ASRGL1: variants seen among roughly 807,000 people sequenced by gnomAD.
ASRGL1 encodes asparaginase and isoaspartyl peptidase 1.
A neutral mutation model predicts 22.4 loss-of-function variants in ASRGL1; 16 were observed. The observed-to-expected ratio is 0.71, with a 90% CI of 0.48 to 1.08. ASRGL1 has a LOEUF of 1.08. ASRGL1 is among the 50% of genes least tolerant of loss of function. The probability of loss-of-function intolerance (pLI) is 0.00; values close to 1 mark genes in which losing one functional copy is unlikely to be tolerated. For synonymous variants in ASRGL1, 165 were observed against 159.3 expected (o/e 1.04, Z -0.27); for missense variants, 412 against 410.1 (o/e 1.00, Z -0.04).
intron 2 of ASRGL1, among the ~76,000 whole-genome samples, chr11:62,355,233 C>CT (rs150944924): frequency 1.7e-3 from 250 of 144,644 alleles, no homozygotes; most frequent in Admixed American, 2.9e-3. Context: ...AGATTTCTCT[C>CT]TTTTTTTTTT....
At chr11:62,389,351 C>T in intron 5 of ASRGL1, 100 bp downstream of exon 5, 1 of 1,166,862 alleles carries the variant, frequency 8.6e-7, no homozygotes, top group South Asian at 1.2e-5. Flanking sequence ...TGCTGCGTTC[C>T]CTTTCTGCTT....
intron 5 of ASRGL1, among the ~76,000 whole-genome samples, 189 bp from the exon 6 acceptor site, chr11:62,391,333 C>T (rs1947330675): frequency 1.3e-5 from 2 of 152,192 alleles, no homozygotes; most frequent in African/African-American, 2.4e-5. Flanking sequence ...CCTTTATCCT[C>T]CTAAATTCTG....
downstream of ASRGL1, among the ~76,000 whole-genome samples, chr11:62,395,502 A>G (rs1014771329): frequency 6.6e-6 from 1 of 152,178 alleles, no homozygotes; most frequent in African/African-American, 2.4e-5. Flanking sequence ...TAGCTGTTGC[A>G]TAATACACAT....
intron 4 of ASRGL1, among the ~76,000 whole-genome samples, chr11:62,357,973 T>C (rs1401939796): frequency 6.6e-6 from 1 of 152,170 alleles, no homozygotes; most frequent in Admixed American, 6.5e-5. Context: ...GCCAGAAGAA[T>C]CAGATTTAAA....
chr11:62,338,381 C>CA (rs1184894474), intron 2 of ASRGL1: 1 of 518,384 alleles, frequency 1.9e-6, no homozygotes, highest in Non-Finnish European at 3.3e-6. Context: ...TATGAGTGAC[C>CA]AATGGCCTCT....
At chr11:62,386,214 G>A (rs1590758691) in intron 4 of ASRGL1, among the ~76,000 whole-genome samples, 2 of 152,062 alleles carry the variant, frequency 1.3e-5, no homozygotes, top group East Asian at 3.8e-4. Flanking sequence ...TCTGGCAGGT[G>A]GATTACTTGA....
At chr11:62,358,087 G>A (rs1220353880) in intron 4 of ASRGL1, among the ~76,000 whole-genome samples, 1 of 152,196 alleles carries the variant, frequency 6.6e-6, no homozygotes, top group African/African-American at 2.4e-5. Context: ...GATTGGCCTT[G>A]GCCGGGTGCG....
chr11:62,388,620 AGAT>A (rs1212340633), intron 4 of ASRGL1, among the ~76,000 whole-genome samples: 3 of 149,560 alleles, frequency 2.0e-5, no homozygotes, highest in Non-Finnish European at 3.0e-5. Flanking sequence ...CCGTGAGCCA[AGAT>A]TGTGCCACTG....
intron 2 of ASRGL1, among the ~76,000 whole-genome samples, chr11:62,341,657 A>G (rs1945866092): frequency 6.6e-6 from 1 of 152,236 alleles, no homozygotes; most frequent in South Asian, 2.1e-4. Context: ...AGAATCTACT[A>G]GCCTAATACC....
chr11:62,353,852 C>T (rs533180152), intron 2 of ASRGL1, among the ~76,000 whole-genome samples: 7 of 152,264 alleles, frequency 4.6e-5, no homozygotes, highest in Non-Finnish European at 8.8e-5. Context: ...CTCTAACCTG[C>T]GCTGATCAGT....
intron 2 of ASRGL1, among the ~76,000 whole-genome samples, chr11:62,343,994 TCTC>T (rs1024947257): frequency 2.1e-5 from 3 of 145,466 alleles, no homozygotes; most frequent in African/African-American, 5.0e-5. Context: ...AATGGCGCGA[TCTC>T]AGCTCACCGC....
chr11:62,367,923 C>T (rs113234680), intron 4 of ASRGL1, among the ~76,000 whole-genome samples: 39 of 152,234 alleles, frequency 2.6e-4, no homozygotes, highest in African/African-American at 9.4e-4. Flanking sequence ...GCCTGGGCAA[C>T]AGAGCGAGAC....
chr11:62,390,174 C>T (rs1194162698), intron 5 of ASRGL1, among the ~76,000 whole-genome samples: 1 of 152,170 alleles, frequency 6.6e-6, no homozygotes, highest in African/African-American at 2.4e-5. Flanking sequence ...GCTTCAGCTG[C>T]GTTCAGACCA....
intron 4 of ASRGL1, among the ~76,000 whole-genome samples, chr11:62,387,209 G>T (rs1055590209): frequency 1.3e-5 from 2 of 152,036 alleles, no homozygotes; most frequent in East Asian, 3.9e-4. Context: ...GGCCAAGAAT[G>T]ATTATTTTTA....
At chr11:62,380,295 G>T (rs1019522158) in intron 4 of ASRGL1, among the ~76,000 whole-genome samples, 2 of 152,000 alleles carry the variant, frequency 1.3e-5, no homozygotes, top group African/African-American at 4.8e-5. Flanking sequence ...GACCTTACGG[G>T]CATTTTCATC....
intron 2 of ASRGL1, among the ~76,000 whole-genome samples, chr11:62,348,152 G>T (rs564619050): frequency 2.6e-5 from 4 of 152,168 alleles, no homozygotes; most frequent in Non-Finnish European, 4.4e-5. Flanking sequence ...GCCATTTCAC[G>T]TAGAGGACTT....
Position 62,392,163 on chromosome 11 carries a change from G to A in ASRGL1, c.806G>A (p.Ser269Asn), listed in dbSNP as rs1947354795. Residue 269 changes from serine (S) to asparagine (N), a missense_variant, in exon 7 of 7, where the codon AGC becomes AAC. Coordinates refer to ENST00000415229, the MANE Select transcript of ASRGL1 (RefSeq NM_001083926.2). Reference sequence around the variant, plus strand: ...GGTTTAGGTGGCCTCATCGTGGTTAGCAAAACAGGAGACTGGGTGGCAAAG... The same window carrying A: ...GGTTTAGGTGGCCTCATCGTGGTTAACAAAACAGGAGACTGGGTGGCAAAG... ...VKGLGGLIVVSKTGDWVAKWT... is the reference protein window; with the variant it reads ...VKGLGGLIVVNKTGDWVAKWT... 2 of 1,614,134 alleles carry A rather than the reference G, an allele frequency of 1.2e-6. No homozygotes were observed. Among genetic ancestry groups the A allele is most frequent in the Non-Finnish European group, 1.7e-6 (2 of 1,180,046 alleles).
chr11:62,356,944 A>G (rs763504270), intron 3 of ASRGL1, 43 bp from the exon 4 acceptor site: 1 of 1,559,208 alleles, frequency 6.4e-7, no homozygotes, highest in Non-Finnish European at 8.6e-7. Context: ...AAGATTTAAA[A>G]TTTTCAAAAA....
intron 4 of ASRGL1, among the ~76,000 whole-genome samples, chr11:62,364,886 T>C (rs1183239683): frequency 1.3e-5 from 2 of 151,758 alleles, no homozygotes; most frequent in Non-Finnish European, 2.9e-5. Flanking sequence ...CTGGCCAACA[T>C]GGCGAAACCC....
Sources: gnomAD v4.1 joint callset for allele counts (sites outside exome capture counted in the v4.1 genomes callset) on GRCh38, gnomAD v4.1.1 for gene constraint, MANE v1.5 for transcripts, NCBI Gene and HGNC (gene_info 2026-07-23, HGNC 2026-07-21) for gene names.